The following IPO11 variants were observed in gnomAD, a reference collection of about 807,000 sequenced individuals.
The protein encoded by IPO11 is importin-11.
IPO11 carries 66 observed loss-of-function variants against 143.2 expected under a neutral mutation model. That is an observed-to-expected ratio of 0.46 (90% CI 0.38 to 0.57). IPO11 has a LOEUF of 0.57. Among genes scored for constraint, IPO11 ranks in the 20% least tolerant of loss-of-function variants. The pLI is 0.00. For synonymous variants in IPO11, 385 were observed against 377.8 expected, an observed-to-expected ratio of 1.02 and a Z score of -0.22; for missense variants, 1,026 against 1,141.0, an observed-to-expected ratio of 0.90 and a Z score of 1.45.
At chr5:62,598,384 C>G in intron 28 of IPO11, among the ~76,000 whole-genome samples, 1 of 2,826 alleles carries the variant, frequency 3.5e-4, no homozygotes, top group Non-Finnish European at 6.3e-4. Flanking sequence ...TGTTTGCTTG[C>G]TTGCTTGCTT....
intron 1 of IPO11, among the ~76,000 whole-genome samples, chr5:62,414,567 A>C (rs541095706): frequency 6.6e-6 from 1 of 152,216 alleles, no homozygotes; most frequent in Non-Finnish European, 1.5e-5. Flanking sequence ...TTTGCTGACT[A>C]TCAGACTTAT....
At chr5:62,514,950 CTG>C (rs1410364313) in intron 19 of IPO11, among the ~76,000 whole-genome samples, 6 of 152,070 alleles carry the variant, frequency 3.9e-5, no homozygotes, top group African/African-American at 1.4e-4. Context: ...GTCTGGCTGT[CTG>C]TGTATCCTTT....
At chr5:62,551,197 A>T (rs1355818736) in intron 25 of IPO11, 26 bp from the exon 26 acceptor site, 5 of 1,249,074 alleles carry the variant, frequency 4.0e-6, no homozygotes, top group Non-Finnish European at 4.6e-6. Flanking sequence ...ACACAATTTT[A>T]CATGTGTTGT....
rs1580183891 is a variant in IPO11, at chr5:62,442,913, A to T, written c.139-70A>T. ...CAAAACAAAGATCTGTCCATACTTT[A>T]TTGTGGGTACATTAATTATACTTTT... is the stretch of plus-strand genomic sequence containing the variant. On this transcript the variant is annotated intron_variant, in intron 2 of 29. Transcript: ENST00000325324. 3 of 781,942 alleles carry T rather than the reference A, an allele frequency of 3.8e-6. No individual in the cohort carries two copies. In the East Asian group the frequency reaches 8.5e-5, roughly 22 times the overall value. 48.4% of individuals were successfully genotyped at this position (781,942 alleles called of 1,614,324 possible). A position where few individuals can be genotyped will look rare whatever the true frequency, so the allele number is the denominator to read the frequency against.
intron 24 of IPO11, among the ~76,000 whole-genome samples, chr5:62,548,729 A>C (rs1743293494): frequency 6.6e-6 from 1 of 152,164 alleles, no homozygotes; most frequent in African/African-American, 2.4e-5. Context: ...GGAGAAGGGG[A>C]GAAGTTATAT....
At position 62,555,474 on chromosome 5, in the gene IPO11, G is replaced by A. The variant is rs1743541922; in HGVS notation, c.2460+4138G>A. ...ACTACAGATGCGTGCCACCACACCTGGCTAATTATTTATTTATTTATTTAT... is the reference window on the plus strand; with the variant it reads ...ACTACAGATGCGTGCCACCACACCTAGCTAATTATTTATTTATTTATTTAT... On this transcript the variant is annotated intron_variant, in intron 26 of 29. Coordinates refer to ENST00000325324, the MANE Select transcript of IPO11 (RefSeq NM_016338.5). 3.9e-5 allele frequency among the ~76,000 whole-genome samples: 5 copies of A among 129,234 alleles called. No individual in the cohort carries two copies. In the Admixed American group the frequency reaches 4.0e-4, roughly 10 times the overall value. The allele number at this position is 129,234 out of a possible 152,430, so 84.8% of individuals were successfully genotyped here.
At chr5:62,476,069 G>A (rs1745947174) in intron 8 of IPO11, among the ~76,000 whole-genome samples, 1 of 152,192 alleles carries the variant, frequency 6.6e-6, no homozygotes, top group Non-Finnish European at 1.5e-5. Flanking sequence ...TGCATGGAAA[G>A]ATGAATAAGA....
Position 62,483,995 on chromosome 5 carries a change from AT to A in IPO11, c.1022-12del. On this transcript the variant is annotated splice_polypyrimidine_tract_variant and intron_variant, in intron 10 of 29. Transcript: ENST00000325324. Reference sequence around the variant, plus strand: ...GTTTGGCTATACAATTAACTTGGAAATTTCATTTTTCTAGATAGCAGCCCTG... The same window carrying A: ...GTTTGGCTATACAATTAACTTGGAAATTCATTTTTCTAGATAGCAGCCCTG... The A allele has an allele frequency of 6.3e-7, 1 of 1,587,356 alleles. No individual in the cohort carries two copies. Among genetic ancestry groups the A allele is most frequent in the Non-Finnish European group, 8.5e-7 (1 of 1,171,438 alleles).
At chr5:62,576,007 T>C (rs1055602256) in intron 27 of IPO11, 1 of 152,336 alleles carries the variant, frequency 6.6e-6, no homozygotes, top group African/African-American at 2.4e-5. Context: ...GAAGGATCGC[T>C]TTGGAATTTG....
chr5:62,462,923 G>A (rs1561320915), intron 5 of IPO11, among the ~76,000 whole-genome samples: 1 of 151,104 alleles, frequency 6.6e-6, no homozygotes, highest in East Asian at 1.9e-4. Context: ...TAGTGGTAGT[G>A]GGGGGTATTG....
At chr5:62,592,731 G>A (rs533116213) in intron 28 of IPO11, among the ~76,000 whole-genome samples, 5 of 152,100 alleles carry the variant, frequency 3.3e-5, no homozygotes, top group African/African-American at 1.2e-4. Context: ...TTCACGTGGC[G>A]GCAGGAAGGA....
intron 29 of IPO11, among the ~76,000 whole-genome samples, chr5:62,619,376 T>C (rs1404373537): frequency 6.6e-6 from 1 of 152,188 alleles, no homozygotes; most frequent in Admixed American, 6.5e-5. Context: ...TCAACTATTC[T>C]AGAACCTAGA....
At chr5:62,484,240 T>TC in intron 11 of IPO11, 78 bp downstream of exon 11, 1 of 1,217,032 alleles carries the variant, frequency 8.2e-7, no homozygotes. Flanking sequence ...AGGTATAATA[T>TC]TGTATTTTCA....
At chr5:62,418,295 A>G (rs1743374575) in intron 1 of IPO11, among the ~76,000 whole-genome samples, 1 of 151,950 alleles carries the variant, frequency 6.6e-6, no homozygotes, top group Admixed American at 6.6e-5. Context: ...CCTCCTGAGT[A>G]GCTGGGATTA....
rs762219763 is a variant in IPO11, at chr5:62,474,440, C to A, written c.733C>A (p.Arg245Ser). The A allele has an allele frequency of 1.9e-6, 3 of 1,568,432 alleles. No homozygotes were observed. The highest frequency in any genetic ancestry group is 2.6e-6 in the Non-Finnish European group (3 of 1,160,848). The change falls in exon 8 of 30, where the codon CGT becomes AGT. Residue 245 changes from arginine (R) to serine (S), a missense_variant. This residue lies in a region of IPO11 where 429 missense variants were observed against 456.3 expected (regional missense o/e 0.94). Coordinates refer to ENST00000325324, the MANE Select transcript of IPO11 (RefSeq NM_016338.5). ...GGGTTTTTTACATGGAATATTTGAA[C>A]GTCTAAAACAGTTTCTGGAATGCAG... ...VMGFLHGIFE[R>S]LKQFLECSRS...
intron 2 of IPO11, among the ~76,000 whole-genome samples, chr5:62,440,920 G>C (rs1157891658): frequency 1.3e-5 from 2 of 151,514 alleles, no homozygotes; most frequent in Non-Finnish European, 2.9e-5. Flanking sequence ...CCAAGATCGC[G>C]CCACTGCACT....
chr5:62,620,515 T>C (rs1746314287), intron 29 of IPO11, among the ~76,000 whole-genome samples: 1 of 99,368 alleles, frequency 1.0e-5, no homozygotes, highest in Admixed American at 1.1e-4. Flanking sequence ...CGAGACTCTG[T>C]CTAAAAAAAA....
At chr5:62,442,879 A>C (rs1192856478) in intron 2 of IPO11, 104 bp from the exon 3 acceptor site, 1 of 671,880 alleles carries the variant, frequency 1.5e-6, no homozygotes, top group Non-Finnish European at 2.3e-6. Flanking sequence ...AAAACAAAAC[A>C]AAACAAAACA....
At chr5:62,625,093 G>A (rs1746517886) in intron 29 of IPO11, among the ~76,000 whole-genome samples, 1 of 151,420 alleles carries the variant, frequency 6.6e-6, no homozygotes, top group Admixed American at 6.6e-5. Flanking sequence ...GGCTTAAAAA[G>A]TGAATAATGA....
Sources: gnomAD v4.1 joint callset for allele counts (sites outside exome capture counted in the v4.1 genomes callset) on GRCh38, gnomAD v4.1.1 for gene constraint, gnomAD v4.1.1 regional missense constraint, MANE v1.5 for transcripts, NCBI Gene and HGNC (gene_info 2026-07-23, HGNC 2026-07-21) for gene names.